Variants in UQCRC2 observed in about 807,000 individuals in gnomAD.
UQCRC2 encodes cytochrome b-c1 complex subunit 2, mitochondrial.
A neutral mutation model predicts 55.6 loss-of-function variants in UQCRC2; 49 were observed. That is an observed-to-expected ratio of 0.88 (90% CI 0.70 to 1.12). The LOEUF (loss-of-function observed/expected upper bound fraction) is 1.12. Ranked by LOEUF, UQCRC2 falls within the 50% of genes most tolerant of loss-of-function variation. UQCRC2 has a pLI of 0.00. For synonymous variants in UQCRC2, 193 were observed against 192.0 expected, an observed-to-expected ratio of 1.01 and a Z score of -0.04; for missense variants, 506 against 547.8, an observed-to-expected ratio of 0.92 and a Z score of 0.76.
Position 21,957,433 on chromosome 16 carries a change from A to G in UQCRC2, c.134A>G (p.Asn45Ser). The G allele has an allele frequency of 1.2e-6, 2 of 1,614,024 alleles. No homozygotes were observed. Among genetic ancestry groups the G allele is most frequent in the Non-Finnish European group, 1.7e-6 (2 of 1,179,984 alleles). The change falls in exon 3 of 14, where the codon AAT (asparagine) becomes AGT (serine). Residue 45 changes from asparagine (N) to serine (S), a missense_variant. Transcript: ENST00000268379. ...TAAATACAGTTTACCAAGTTACCAAATGGCTTGGTGATTGCTTCTTTGGAA... is the reference window on the plus strand; with the variant it reads ...TAAATACAGTTTACCAAGTTACCAAGTGGCTTGGTGATTGCTTCTTTGGAA... Reference protein sequence around the residue: ...PQDLEFTKLPNGLVIASLENY... With the variant: ...PQDLEFTKLPSGLVIASLENY...
intron 10 of UQCRC2, 69 bp from the exon 11 acceptor site, chr16:21,973,827 A>G: frequency 1.4e-6 from 2 of 1,472,698 alleles, no homozygotes; most frequent in Non-Finnish European, 1.9e-6. Flanking sequence ...TTTTCTAGGC[A>G]AACTTAAAGA....
chr16:21,966,910 G>A (rs1881497967), intron 7 of UQCRC2, among the ~76,000 whole-genome samples: 1 of 152,078 alleles, frequency 6.6e-6, no homozygotes, highest in Non-Finnish European at 1.5e-5. Flanking sequence ...CTTATAGAAT[G>A]GAACAGTATT....
chr16:21,953,459 G>C lies in UQCRC2; in HGVS notation c.33+3G>C, dbSNP rs1898044854. On this transcript the variant is annotated splice_donor_region_variant and intron_variant, in intron 1 of 13. Coordinates refer to ENST00000268379, the MANE Select transcript of UQCRC2 (RefSeq NM_003366.4). The stretch of plus-strand genomic sequence containing the variant: ...TAACCAGAGCCGGCTCTTTCTCGGT[G>C]AGCTCAGGTGGCGGGTTTGGGAAAG... 1.9e-6 allele frequency: 3 copies of C among 1,612,728 alleles called. No homozygotes were observed. In the South Asian group the frequency reaches 3.3e-5, roughly 18 times the overall value.
intron 7 of UQCRC2, among the ~76,000 whole-genome samples, chr16:21,966,184 A>G (rs1004459920): frequency 6.6e-6 from 1 of 151,988 alleles, no homozygotes; most frequent in Non-Finnish European, 1.5e-5. Flanking sequence ...GTGTGTGTAT[A>G]CATATATATA....
At chr16:21,968,509 A>C in intron 7 of UQCRC2, 119 bp from the exon 8 acceptor site, 6 of 808,180 alleles carry the variant, frequency 7.4e-6, no homozygotes, top group East Asian at 2.9e-5. Flanking sequence ...CTTGTAGTTC[A>C]TTACAGCAAC....
intron 3 of UQCRC2, 60 bp from the exon 4 acceptor site, chr16:21,958,475 T>A: frequency 6.9e-7 from 1 of 1,449,398 alleles, no homozygotes; most frequent in Non-Finnish European, 9.7e-7. Flanking sequence ...TGATATAGTG[T>A]GATGTTTGGC....
At chr16:21,980,177 C>T (rs886808269) in intron 12 of UQCRC2, 3 of 210,814 alleles carry the variant, frequency 1.4e-5, no homozygotes, top group Admixed American at 1.4e-4. Context: ...GAGCATGCTG[C>T]GACTGGCCAG....
chr16:21,972,876 CG>C (rs766634451), intron 10 of UQCRC2, among the ~76,000 whole-genome samples: 370 of 152,230 alleles, frequency 2.4e-3, no homozygotes, highest in Non-Finnish European at 4.2e-3. Context: ...CCAAGTTGGG[CG>C]GATCACAAGG....
chr16:21,970,660 A>G (rs1342698044), intron 8 of UQCRC2, among the ~76,000 whole-genome samples: 1 of 152,148 alleles, frequency 6.6e-6, no homozygotes, highest in Non-Finnish European at 1.5e-5. Context: ...ATCTCAGCTC[A>G]CTGCAACCTC....
At chr16:21,981,339 A>C (rs150024244) in intron 13 of UQCRC2, among the ~76,000 whole-genome samples, 10 of 152,264 alleles carry the variant, frequency 6.6e-5, no homozygotes, top group African/African-American at 2.4e-4. Context: ...AATTAATCCA[A>C]AGTAAGTGGG....
chr16:21,970,837 C>T (rs544906234), intron 8 of UQCRC2, among the ~76,000 whole-genome samples: 5 of 152,246 alleles, frequency 3.3e-5, no homozygotes, highest in Admixed American at 1.3e-4. Flanking sequence ...CCACTTGCCT[C>T]GGCCTCCCAA....
chr16:21,972,181 T>C (rs1439970999), intron 10 of UQCRC2, 59 bp downstream of exon 10: 3 of 1,519,138 alleles, frequency 2.0e-6, no homozygotes, highest in East Asian at 2.4e-5. Context: ...ATTTAAGATA[T>C]AATTCTGATA....
At chr16:21,962,594 C>T (rs764220264) in intron 5 of UQCRC2, 78 bp downstream of exon 5, 3 of 1,599,338 alleles carry the variant, frequency 1.9e-6, no homozygotes, top group Non-Finnish European at 2.6e-6. Flanking sequence ...TGTAATGCGT[C>T]ATTATGACCT....
chr16:21,976,021 G>A (rs1898576054), intron 11 of UQCRC2, 146 bp from the exon 12 acceptor site: 3 of 554,530 alleles, frequency 5.4e-6, no homozygotes, highest in Middle Eastern at 2.7e-4. Context: ...GGAACCCATA[G>A]TGATGACAGC....
At chr16:21,976,272 G>A (rs779214739) in intron 12 of UQCRC2, 29 bp downstream of exon 12, 6 of 1,560,446 alleles carry the variant, frequency 3.8e-6, no homozygotes, top group Non-Finnish European at 5.3e-6. Context: ...TGTGTTTTAT[G>A]TTTTTGTTAT....
At chr16:21,973,396 T>C (rs1048649699) in intron 10 of UQCRC2, among the ~76,000 whole-genome samples, 1 of 152,164 alleles carries the variant, frequency 6.6e-6, no homozygotes, top group Non-Finnish European at 1.5e-5. Flanking sequence ...TAGATAACAA[T>C]ATCCCTGTTA....
intron 13 of UQCRC2, 33 bp downstream of exon 13, chr16:21,980,733 A>G: frequency 6.2e-7 from 1 of 1,610,702 alleles, no homozygotes; most frequent in Non-Finnish European, 8.5e-7. Context: ...ATTTAACAAC[A>G]GAGAACTTAA....
intron 5 of UQCRC2, 73 bp from the exon 6 acceptor site, chr16:21,962,688 T>G (rs553768515): frequency 1.2e-5 from 19 of 1,606,868 alleles, no homozygotes; most frequent in Non-Finnish European, 1.4e-5. Flanking sequence ...TTGAGAGCAT[T>G]ACAGCTATGT....
chr16:21,960,007 T>A (rs1222309285), intron 4 of UQCRC2, among the ~76,000 whole-genome samples: 1 of 152,198 alleles, frequency 6.6e-6, no homozygotes, highest in African/African-American at 2.4e-5. Context: ...TTAGCATAAT[T>A]CCTAAGGGCT....
Sources: allele counts gnomAD v4.1 joint callset (sites outside exome capture counted in the v4.1 genomes callset), GRCh38; gene constraint gnomAD v4.1.1; transcripts MANE v1.5; gene names NCBI Gene and HGNC (gene_info 2026-07-23, HGNC 2026-07-21).